The following MCTP2 variants were observed in gnomAD, a reference collection of about 807,000 sequenced individuals.
MCTP2 encodes multiple C2 and transmembrane domain-containing protein 2.
A neutral mutation model predicts 111.6 loss-of-function variants in MCTP2; 132 were observed. That is an observed-to-expected ratio of 1.18 (90% confidence interval 1.03 to 1.37). The LOEUF is 1.37. Ranked by LOEUF, MCTP2 falls within the 40% of genes most tolerant of loss-of-function variation. The pLI is 0.00. For synonymous variants in MCTP2, 395 were observed against 387.7 expected (o/e 1.02, Z -0.22); for missense variants, 1,183 against 1,067.9 (o/e 1.11, Z -1.50).
At chr15:94,368,993 T>G (rs2079345673) in intron 11 of MCTP2, among the ~76,000 whole-genome samples, 1 of 152,222 alleles carries the variant, frequency 6.6e-6, no homozygotes, top group Admixed American at 6.5e-5. Flanking sequence ...GAATGCTGTT[T>G]CAAAGCACAA....
intron 1 of MCTP2, among the ~76,000 whole-genome samples, chr15:94,290,553 A>G (rs546057255): frequency 1.3e-5 from 2 of 152,346 alleles, no homozygotes; most frequent in South Asian, 2.1e-4. Context: ...ATCCAGACCT[A>G]TCAAGTACTA....
chr15:94,312,169 A>G (rs1202067304), intron 2 of MCTP2, among the ~76,000 whole-genome samples: 1 of 152,214 alleles, frequency 6.6e-6, no homozygotes, highest in Non-Finnish European at 1.5e-5. Flanking sequence ...TTGGCTCTGC[A>G]TGTGAAGGCA....
intron 4 of MCTP2, among the ~76,000 whole-genome samples, chr15:94,319,098 A>G (rs1195017115): frequency 1.4e-5 from 2 of 146,698 alleles, no homozygotes; most frequent in African/African-American, 2.5e-5. Context: ...AAAATACCCC[A>G]CTCTTTCAAC....
At chr15:94,262,870 C>T (rs1187347376) in intron 1 of MCTP2, among the ~76,000 whole-genome samples, 1 of 152,116 alleles carries the variant, frequency 6.6e-6, no homozygotes, top group Non-Finnish European at 1.5e-5. Context: ...AGGGTTTTGC[C>T]ATGTTGGCCA....
At chr15:94,401,843 G>C in intron 16 of MCTP2, 57 bp from the exon 17 acceptor site, 2 of 1,400,952 alleles carry the variant, frequency 1.4e-6, no homozygotes, top group Non-Finnish European at 2.0e-6. Flanking sequence ...ACCTGATCTA[G>C]ATGGAATATT....
intron 14 of MCTP2, 94 bp downstream of exon 14, chr15:94,385,619 G>GA (rs902536036): frequency 9.6e-6 from 8 of 835,752 alleles, no homozygotes; most frequent in Middle Eastern, 4.6e-4. Context: ...CAACCTGGGG[G>GA]AAAAAAATCC....
At chr15:94,383,064 A>G (rs1303989351) in intron 12 of MCTP2, among the ~76,000 whole-genome samples, 4 of 152,092 alleles carry the variant, frequency 2.6e-5, no homozygotes, top group African/African-American at 9.7e-5. Context: ...TTTTTTTGTT[A>G]AGTTAAAAAC....
chr15:94,385,711 A>G (rs570613885), intron 14 of MCTP2, among the ~76,000 whole-genome samples, 186 bp downstream of exon 14: 1 of 152,168 alleles, frequency 6.6e-6, no homozygotes, highest in Non-Finnish European at 1.5e-5. Flanking sequence ...AAGGGATGTA[A>G]TTTTTTTCTG....
Position 94,476,745 on chromosome 15 carries a change from T to C in MCTP2, c.2520T>C (p.Asn840=). ...KKLRNPYSID[N]NELLDFLSRV... ...TTCGAAATCCCTATTCCATCGACAA[T>C]AATGAGCTACTAGACTTCCTCTCTA... Residue 840 remains asparagine, a synonymous_variant, in exon 22 of 23, where the codon AAT becomes AAC. Transcript: ENST00000357742. 1 of 1,610,216 alleles carries C rather than the reference T, an allele frequency of 6.2e-7. No individual in the cohort carries two copies. Among genetic ancestry groups the C allele is most frequent in the Non-Finnish European group, 8.5e-7 (1 of 1,176,618 alleles).
chr15:94,317,999 G>A lies in MCTP2; in HGVS notation c.637+2362G>A, dbSNP rs566689777. 3.3e-5 allele frequency among the ~76,000 whole-genome samples: 5 copies of A among 151,904 alleles called. 1 individual carries two copies. The South Asian group carries it at 8.3e-4, about 25-fold the overall frequency. ...TCTTGTGTTCTTTTTAATGGCTTGGGGCAGATAGCATTTTATGCCTGAAAT... is the reference window on the plus strand; with the variant it reads ...TCTTGTGTTCTTTTTAATGGCTTGGAGCAGATAGCATTTTATGCCTGAAAT... On this transcript the variant is annotated intron_variant, in intron 4 of 22. Coordinates refer to ENST00000357742, the MANE Select transcript of MCTP2 (RefSeq NM_001385001.1).
chr15:94,243,565 GTACA>G (rs1328930106), intron 1 of MCTP2, among the ~76,000 whole-genome samples: 29 of 147,798 alleles, frequency 2.0e-4, no homozygotes, highest in Non-Finnish European at 2.7e-4. Flanking sequence ...ATATGCGTAT[GTACA>G]TACATACGTA....
At chr15:94,399,299 G>A (rs2081436497) in intron 15 of MCTP2, among the ~76,000 whole-genome samples, 1 of 152,182 alleles carries the variant, frequency 6.6e-6, no homozygotes, top group African/African-American at 2.4e-5. Context: ...TAATGGAAAA[G>A]TGGAATACAG....
intron 2 of MCTP2, among the ~76,000 whole-genome samples, chr15:94,305,674 ATAT>A (rs1567374857): frequency 6.6e-6 from 1 of 152,246 alleles, no homozygotes; most frequent in East Asian, 1.9e-4. Context: ...ATATTGATTC[ATAT>A]TATCACTGCA....
intron 19 of MCTP2, among the ~76,000 whole-genome samples, chr15:94,456,302 T>C (rs1197997325): frequency 2.0e-5 from 3 of 152,178 alleles, no homozygotes; most frequent in Admixed American, 6.5e-5. Flanking sequence ...AACCAGAACC[T>C]CACTATTTGG....
intron 4 of MCTP2, among the ~76,000 whole-genome samples, chr15:94,333,954 C>T (rs572069763): frequency 1.9e-4 from 29 of 152,034 alleles, no homozygotes; most frequent in African/African-American, 5.5e-4. Context: ...ACCTAAGAGA[C>T]GATGATATAA....
chr15:94,260,031 T>A (rs1191517738), intron 1 of MCTP2, among the ~76,000 whole-genome samples: 2 of 152,148 alleles, frequency 1.3e-5, no homozygotes, highest in East Asian at 3.9e-4. Flanking sequence ...CACTTTCTCT[T>A]CCCCTTTGGC....
At chr15:94,348,733 A>G (rs1216777352) in intron 8 of MCTP2, among the ~76,000 whole-genome samples, 1 of 151,592 alleles carries the variant, frequency 6.6e-6, no homozygotes, top group African/African-American at 2.4e-5. Flanking sequence ...GCAGGAGGAA[A>G]TATGGTCCAT....
chr15:94,375,996 A>G (rs1567563296), intron 12 of MCTP2, among the ~76,000 whole-genome samples: 1 of 152,166 alleles, frequency 6.6e-6, no homozygotes, highest in Non-Finnish European at 1.5e-5. Flanking sequence ...TGAGCACCAC[A>G]CTTGGTTAAC....
At chr15:94,337,955 T>C (rs879677900) in intron 4 of MCTP2, among the ~76,000 whole-genome samples, 2 of 152,110 alleles carry the variant, frequency 1.3e-5, no homozygotes, top group East Asian at 1.9e-4. Context: ...AGCTGGGAAA[T>C]GTAGTGCATT....
Sources: gnomAD v4.1 joint callset for allele counts (sites outside exome capture counted in the v4.1 genomes callset) on GRCh38, gnomAD v4.1.1 for gene constraint, MANE v1.5 for transcripts, NCBI Gene and HGNC (gene_info 2026-07-23, HGNC 2026-07-21) for gene names.